Variants in RAB32 observed in about 807,000 individuals in gnomAD.
RAB32 encodes the protein RAB32, member RAS oncogene family.
A neutral mutation model predicts 17.5 loss-of-function variants in RAB32; 17 were observed. The observed-to-expected ratio is 0.97, with a 90% confidence interval of 0.67 to 1.46. The LOEUF is 1.46. Ranked by LOEUF, RAB32 falls within the 40% of genes most tolerant of loss-of-function variation. The probability of loss-of-function intolerance (pLI) is 0.00; values close to 1 mark genes in which losing one functional copy is unlikely to be tolerated. For synonymous variants in RAB32, 115 were observed against 111.1 expected (o/e 1.04, Z -0.22); for missense variants, 288 against 284.3 (o/e 1.01, Z -0.09).
rs1355285039 is a variant in RAB32, at chr6:146,552,621, TAAAG to T, written c.529-1832_529-1829del. On this transcript the variant is annotated intron_variant, in intron 2 of 2. Coordinates refer to ENST00000367495, the MANE Select transcript of RAB32 (RefSeq NM_006834.5). The stretch of plus-strand genomic sequence containing the variant: ...GTACACACACATATGTGTAAACAGA[TAAAG>T]AAGTTGATACAGATGCATGTGTGTA... Among the ~76,000 whole-genome samples, 27 of 152,284 alleles carry T rather than the reference TAAAG, an allele frequency of 1.8e-4. No individual in the cohort carries two copies. In the East Asian group the frequency reaches 1.9e-3, roughly 11 times the overall value.
chr6:146,548,841 G>A (rs1371338833), intron 1 of RAB32, among the ~76,000 whole-genome samples: 1 of 152,176 alleles, frequency 6.6e-6, no homozygotes, highest in Non-Finnish European at 1.5e-5. Flanking sequence ...AATGACATTT[G>A]AAGAACCCTG....
intron 2 of RAB32, 48 bp from the exon 3 acceptor site, chr6:146,554,408 A>G: frequency 1.3e-6 from 2 of 1,555,596 alleles, no homozygotes; most frequent in South Asian, 1.3e-5. Flanking sequence ...GCCTTATTCT[A>G]AGAATTAATC....
intron 1 of RAB32, among the ~76,000 whole-genome samples, chr6:146,546,392 G>T (rs1271500667): frequency 1.3e-5 from 2 of 150,304 alleles, no homozygotes; most frequent in Non-Finnish European, 3.0e-5. Context: ...TAATATCTCT[G>T]AATATGAGGG....
At position 146,554,940 on chromosome 6, in the gene RAB32, A is replaced by G. The variant is rs1265588962; in HGVS notation, c.*335A>G. 5.6e-6 allele frequency: 1 copy of G among 179,520 alleles called. No homozygotes were observed. Among genetic ancestry groups the G allele is most frequent in the Non-Finnish European group, 1.2e-5 (1 of 85,974 alleles). The allele number at this position is 179,520 out of a possible 1,614,324, so 11.1% of individuals were successfully genotyped here. ...TAGTGTAAGTGCTGGGGTGGTAATA[A>G]AATGTTACCTCCAGTCTTATGGTCA... On this transcript the variant is annotated 3_prime_UTR_variant, in exon 3 of 3. Transcript: ENST00000367495.
chr6:146,543,899 G>T lies in RAB32; in HGVS notation c.28G>T (p.Gly10Cys). ...GGCGGGCGGAGGAGCCGGGGACCCC[G>T]GCCTGGGGGCGGCCGCCGCCCCAGC... MAGGGAGDP[G>C]LGAAAAPAPE... The change falls in exon 1 of 3, where the codon GGC (glycine) becomes TGC (cysteine). Residue 10 changes from glycine to cysteine, a missense_variant. Gly to Cys is a radical substitution (Grantham distance 159, BLOSUM62 -3). Coordinates refer to ENST00000367495, the MANE Select transcript of RAB32 (RefSeq NM_006834.5). The T allele has an allele frequency of 6.4e-7, 1 of 1,568,678 alleles. No homozygotes were observed. Among genetic ancestry groups the T allele is most frequent in the Non-Finnish European group, 8.6e-7 (1 of 1,160,176 alleles).
intron 2 of RAB32, among the ~76,000 whole-genome samples, chr6:146,551,604 A>AAG (rs1554328977): frequency 1.3e-5 from 2 of 150,886 alleles, no homozygotes; most frequent in African/African-American, 4.9e-5. Flanking sequence ...AAAAAAAAAA[A>AAG]GGGGCAGTAA....
rs754942071 is a variant in RAB32 at position 146,543,902 on chromosome 6, C to T, written c.31C>T (p.Leu11=). Residue 11 remains leucine (L), a synonymous_variant, in exon 1 of 3, where the codon CTG becomes TTG. Transcript: ENST00000367495. MAGGGAGDPG[L]GAAAAPAPET... is the part of the protein sequence containing the mutation. ...GGGCGGAGGAGCCGGGGACCCCGGC[C>T]TGGGGGCGGCCGCCGCCCCAGCGCC... is the stretch of plus-strand genomic sequence containing the variant. The T allele has an allele frequency of 4.0e-5, 64 of 1,582,242 alleles. No homozygotes were observed. The highest frequency in any genetic ancestry group is 4.1e-5 in the Non-Finnish European group (48 of 1,166,758).
chr6:146,551,096 C>A (rs1167854298), intron 2 of RAB32, among the ~76,000 whole-genome samples: 10 of 152,100 alleles, frequency 6.6e-5, no homozygotes, highest in African/African-American at 2.4e-4. Flanking sequence ...CAAAAGGAGA[C>A]CGCTCCAAAA....
chr6:146,544,104 A>AGTAAGCC lies in RAB32; in HGVS notation c.234_235insTAAGCCG (p.Leu79Ter). 6.2e-7 allele frequency: 1 copy of AGTAAGCC among 1,612,136 alleles called. No individual in the cohort carries two copies. Among genetic ancestry groups the AGTAAGCC allele is most frequent in the Non-Finnish European group, 8.5e-7 (1 of 1,179,214 alleles). On this transcript the variant is annotated stop_gained and frameshift_variant, in exon 1 of 3. Coordinates refer to ENST00000367495, the MANE Select transcript of RAB32 (RefSeq NM_006834.5). LOFTEE classifies it high-confidence loss of function. The stretch of plus-strand genomic sequence containing the variant: ...GACAGCAGGACTCTGGTGCGCCTGC[A>AGTAAGCC]GCTGTGGGACATCGCGGGTAAGCGC...
chr6:146,546,772 T>A (rs534626446), intron 1 of RAB32, among the ~76,000 whole-genome samples: 1 of 150,864 alleles, frequency 6.6e-6, no homozygotes, highest in Non-Finnish European at 1.5e-5. Context: ...GTGGTGTTTT[T>A]ACTAGTTAGG....
chr6:146,551,426 T>C (rs948964712), intron 2 of RAB32, among the ~76,000 whole-genome samples: 1 of 152,080 alleles, frequency 6.6e-6, no homozygotes, highest in Admixed American at 6.5e-5. Context: ...AATTTTGCCG[T>C]GTTGCCCAGG....
Position 146,546,897 on chromosome 6 carries a change from A to C in RAB32, c.251-2567A>C, listed in dbSNP as rs545459753. ...CAAGTATGATAGGCTAGAATTATCA[A>C]ATGTTTTCTACACATGTAGCTAAGC... On this transcript the variant is annotated intron_variant, in intron 1 of 2. Transcript: ENST00000367495. Among the ~76,000 whole-genome samples the C allele has an allele frequency of 9.5e-4, 144 of 151,728 alleles. 1 individual carries two copies. Among genetic ancestry groups the C allele is most frequent in the Middle Eastern group, 3.4e-3 (1 of 294 alleles).
chr6:146,548,596 G>C (rs1257951432), intron 1 of RAB32, among the ~76,000 whole-genome samples: 3 of 152,138 alleles, frequency 2.0e-5, no homozygotes, highest in Non-Finnish European at 4.4e-5. Context: ...ACTTCTATAG[G>C]TGTGTGGGAG....
chr6:146,551,308 CAGAA>C (rs1410202497), intron 2 of RAB32, among the ~76,000 whole-genome samples: 1 of 152,152 alleles, frequency 6.6e-6, no homozygotes, highest in African/African-American at 2.4e-5. Flanking sequence ...GAGAAAATCA[CAGAA>C]AGAAAGCCTT....
rs775783063 is a variant in RAB32 at position 146,554,480 on chromosome 6, G to T, written c.553G>T (p.Ala185Ser). The T allele has an allele frequency of 1.2e-5, 19 of 1,612,290 alleles. No individual in the cohort carries two copies. In the East Asian group the frequency reaches 3.3e-4, roughly 28 times the overall value. Reference protein sequence around the residue: ...AKDNINIEEAARFLVEKILVN... With the variant: ...AKDNINIEEASRFLVEKILVN... ...GGATAACATAAACATAGAGGAAGCT[G>T]CCCGGTTCCTAGTGGAGAAGATTCT... is the stretch of plus-strand genomic sequence containing the variant. The change falls in exon 3 of 3, where the codon GCC becomes TCC. Residue 185 changes from alanine to serine, a missense_variant. By Grantham distance (99) the Ala-to-Ser change is moderately conservative. Coordinates refer to ENST00000367495, the MANE Select transcript of RAB32 (RefSeq NM_006834.5).
At chr6:146,544,245 G>T in intron 1 of RAB32, 124 bp downstream of exon 1, 1 of 1,314,588 alleles carries the variant, frequency 7.6e-7, no homozygotes, top group Non-Finnish European at 1.0e-6. Context: ...GAAGAGAGAG[G>T]CCCAATCCAA....
intron 2 of RAB32, among the ~76,000 whole-genome samples, chr6:146,553,248 G>A (rs918673767): frequency 6.6e-5 from 10 of 152,084 alleles, no homozygotes; most frequent in Non-Finnish European, 1.2e-4. Context: ...GTTGTAGGGA[G>A]GAATTAATTG....
chr6:146,549,523 G>A lies in RAB32; in HGVS notation c.310G>A (p.Val104Ile). ...CTACAAGGAAGCTGTTGGTGCTTTT[G>A]TAGTCTTTGATATATCAAGAAGTTC... ...VYYKEAVGAF[V>I]VFDISRSSTF... is the part of the protein sequence containing the mutation. The change falls in exon 2 of 3, where the codon GTA becomes ATA. Residue 104 changes from valine to isoleucine, a missense_variant. Val to Ile is a conservative substitution (Grantham distance 29). Transcript: ENST00000367495. The A allele has an allele frequency of 6.2e-7, 1 of 1,614,144 alleles. No homozygotes were observed. Among genetic ancestry groups the A allele is most frequent in the Non-Finnish European group, 8.5e-7 (1 of 1,179,990 alleles).
chr6:146,549,186 A>G (rs1377420492), intron 1 of RAB32, among the ~76,000 whole-genome samples: 1 of 152,200 alleles, frequency 6.6e-6, no homozygotes, highest in Non-Finnish European at 1.5e-5. Context: ...GGAATAAATG[A>G]CAGACTTTGT....
Sources: gnomAD v4.1 joint callset for allele counts (sites outside exome capture counted in the v4.1 genomes callset) on GRCh38, gnomAD v4.1.1 for gene constraint, MANE v1.5 for transcripts, NCBI Gene and HGNC (gene_info 2026-07-23, HGNC 2026-07-21) for gene names.